Variants in KIAA2012 observed in about 807,000 individuals in gnomAD.
KIAA2012 encodes KIAA2012.
A neutral mutation model predicts 150.6 loss-of-function variants in KIAA2012; 125 were observed. The observed-to-expected ratio is 0.83, with a 90% CI of 0.72 to 0.96. KIAA2012 has a LOEUF of 0.96. Among genes scored for constraint, KIAA2012 ranks in the 40% least tolerant of loss-of-function variants. The probability of loss-of-function intolerance (pLI) is 0.00; values close to 1 mark genes in which losing one functional copy is unlikely to be tolerated. For missense variants in KIAA2012, 1,219 were observed against 1,354.9 expected (o/e 0.90, Z 1.57); for synonymous variants, 462 against 504.7 (o/e 0.92, Z 1.13).
At chr2:202,107,046 C>G (rs1333019613) in intron 9 of KIAA2012, among the ~76,000 whole-genome samples, 1 of 152,188 alleles carries the variant, frequency 6.6e-6, no homozygotes, top group Non-Finnish European at 1.5e-5. Context: ...CAGCAATCCT[C>G]TCCTCCTTTT....
chr2:202,170,690 T>A (rs1464342489), intron 15 of KIAA2012, among the ~76,000 whole-genome samples: 2 of 152,240 alleles, frequency 1.3e-5, no homozygotes, highest in African/African-American at 2.4e-5. Flanking sequence ...AGAAATCTGA[T>A]CCAGATAGAG....
At chr2:202,154,080 G>A (rs185877884) in intron 13 of KIAA2012, among the ~76,000 whole-genome samples, 79 of 152,294 alleles carry the variant, frequency 5.2e-4, no homozygotes, top group Middle Eastern at 6.8e-3. Flanking sequence ...AGAGCCCCCG[G>A]GGCCTCCCAG....
At chr2:202,134,097 G>A (rs1436038639) in intron 12 of KIAA2012, among the ~76,000 whole-genome samples, 1 of 152,138 alleles carries the variant, frequency 6.6e-6, no homozygotes, top group Non-Finnish European at 1.5e-5. Context: ...ATTGGTTCCT[G>A]CTGGGGCCAG....
chr2:202,190,773 C>T (rs533783678), intron 19 of KIAA2012, among the ~76,000 whole-genome samples: 1 of 152,248 alleles, frequency 6.6e-6, no homozygotes, highest in South Asian at 2.1e-4. Context: ...GAAATGATCA[C>T]AGCACCCATC....
chr2:202,150,022 G>A (rs1574292970), intron 13 of KIAA2012, among the ~76,000 whole-genome samples: 1 of 152,238 alleles, frequency 6.6e-6, no homozygotes, highest in Non-Finnish European at 1.5e-5. Flanking sequence ...ATATTTGTAC[G>A]GAACCAATAG....
At chr2:202,165,492 C>T (rs532165688) in intron 15 of KIAA2012, 136 bp downstream of exon 15, 33 of 772,568 alleles carry the variant, frequency 4.3e-5, no homozygotes, top group Admixed American at 7.5e-5. Flanking sequence ...GAGGCCAAGG[C>T]GGGTGGATCA....
Position 202,103,069 on chromosome 2 carries a change from C to A in KIAA2012, c.1279C>A (p.His427Asn), listed in dbSNP as rs1160612381. ...GCTCTTCATCTTACCGGTGGAGATT[C>A]ATTACCACACCAAACAACCCCCAAA... The part of the protein sequence containing the change: ...TELFILPVEI[H>N]YHTKQPPKEK... The change falls in exon 8 of 24, where the codon CAT becomes AAT. Residue 427 changes from histidine to asparagine, a missense_variant. Coordinates refer to ENST00000498697, the MANE Select transcript of KIAA2012 (RefSeq NM_001277372.4). 8 of 1,550,578 alleles carry A rather than the reference C, an allele frequency of 5.2e-6. No individual in the cohort carries two copies. In the African/African-American group the frequency reaches 9.6e-5, roughly 19 times the overall value.
intron 13 of KIAA2012, among the ~76,000 whole-genome samples, chr2:202,141,381 G>A (rs1181288661): frequency 6.6e-6 from 1 of 152,040 alleles, no homozygotes; most frequent in Non-Finnish European, 1.5e-5. Context: ...GGGTGAGGTG[G>A]TGGGGGCAGG....
At chr2:202,076,435 CT>C (rs1343350304) in intron 2 of KIAA2012, among the ~76,000 whole-genome samples, 3 of 152,198 alleles carry the variant, frequency 2.0e-5, no homozygotes, top group African/African-American at 7.2e-5. Context: ...CTCCTCTGCC[CT>C]CTTTTCATCT....
chr2:202,103,830 TC>T (rs1431237985), intron 8 of KIAA2012, among the ~76,000 whole-genome samples: 2 of 152,220 alleles, frequency 1.3e-5, no homozygotes, highest in Non-Finnish European at 2.9e-5. Flanking sequence ...TGACCTCTCA[TC>T]CTGTGTCACA....
At chr2:202,193,633 T>C (rs773213179) in intron 20 of KIAA2012, 130 bp downstream of exon 20, 1 of 897,004 alleles carries the variant, frequency 1.1e-6, no homozygotes, top group Non-Finnish European at 1.7e-6. Context: ...CATGTGTCAT[T>C]TTTCTCTATC....
At chr2:202,109,843 T>G in intron 10 of KIAA2012, 54 bp downstream of exon 10, 1 of 1,444,414 alleles carries the variant, frequency 6.9e-7, no homozygotes. Flanking sequence ...TGTGGCTCAT[T>G]GCCAGGGCCG....
In KIAA2012 at chr2:202,178,286, C is replaced by G. The variant is rs150224213; in HGVS notation, c.2120-6467C>G. Among the ~76,000 whole-genome samples the G allele has an allele frequency of 5.9e-3, 905 of 152,240 alleles. 21 individuals are homozygous for G. Among genetic ancestry groups the G allele is most frequent in the Admixed American group, 0.034 (521 of 15,280 alleles). ...ACAAAACTAAGTGGCAATGAGTATA[C>G]AGTATTTTTCCTATACTGTGAACGC... On this transcript the variant is annotated intron_variant, in intron 15 of 23. Transcript: ENST00000498697.
intron 13 of KIAA2012, among the ~76,000 whole-genome samples, chr2:202,152,907 G>A (rs1316095675): frequency 2.6e-5 from 4 of 152,156 alleles, no homozygotes; most frequent in Non-Finnish European, 5.9e-5. Flanking sequence ...CCTTCTGAGA[G>A]TCTCCTAGAA....
At chr2:202,197,355 C>T (rs12988414) in intron 22 of KIAA2012, 127,577 of 313,680 alleles carry the variant, frequency 0.41, 28,378 homozygotes, top group Non-Finnish European at 0.47. Flanking sequence ...GATCTAAGAC[C>T]CCCTGATTTC....
At chr2:202,144,450 T>C (rs1288037632) in intron 13 of KIAA2012, among the ~76,000 whole-genome samples, 1 of 152,172 alleles carries the variant, frequency 6.6e-6, no homozygotes, top group African/African-American at 2.4e-5. Context: ...GTTTCCTTGG[T>C]GGTTTCACAG....
intron 11 of KIAA2012, among the ~76,000 whole-genome samples, chr2:202,124,386 CA>C (rs35969312): frequency 3.4e-4 from 50 of 148,836 alleles, no homozygotes; most frequent in African/African-American, 9.6e-4. Flanking sequence ...TAGCAGATCA[CA>C]AAAAAAAAAT....
intron 3 of KIAA2012, among the ~76,000 whole-genome samples, chr2:202,091,969 T>C (rs950660896): frequency 6.6e-5 from 10 of 152,218 alleles, no homozygotes; most frequent in South Asian, 2.1e-4. Context: ...TCCACAGTTA[T>C]AGGCAGTTCC....
chr2:202,102,558 A>G (rs570731766), intron 7 of KIAA2012, among the ~76,000 whole-genome samples: 19 of 152,150 alleles, frequency 1.2e-4, no homozygotes, highest in Non-Finnish European at 2.2e-4. Context: ...TTGCTCAAAC[A>G]ATGTTCTGTA....
Sources: gnomAD v4.1 joint callset for allele counts (sites outside exome capture counted in the v4.1 genomes callset) on GRCh38, gnomAD v4.1.1 for gene constraint, MANE v1.5 for transcripts, NCBI Gene and HGNC (gene_info 2026-07-23, HGNC 2026-07-21) for gene names.